Variants in TENM3 observed in about 807,000 individuals in gnomAD.
TENM3 encodes teneurin-3.
A neutral mutation model predicts 255.1 loss-of-function variants in TENM3; 63 were observed. That is an observed-to-expected ratio of 0.25 (90% CI 0.20 to 0.30). TENM3 has a LOEUF of 0.30. Among genes scored for constraint, TENM3 ranks in the 10% least tolerant of loss-of-function variants. The pLI, the probability that TENM3 is intolerant of heterozygous loss-of-function variation, is 1.00. For synonymous variants in TENM3, 1,306 were observed against 1,322.3 expected, an observed-to-expected ratio of 0.99 and a Z score of 0.27; for missense variants, 2,929 against 3,461.1, an observed-to-expected ratio of 0.85 and a Z score of 3.86.
chr4:181,796,830 G>T, the TENM3 span, among the ~76,000 whole-genome samples: 26,733 of 152,212 alleles, frequency 0.18, 3,099 homozygotes, highest in Non-Finnish European at 0.25. Context: ...GGGTGGTGTT[G>T]CATCACCACG....
the TENM3 span, among the ~76,000 whole-genome samples, chr4:181,607,110 G>A: frequency 6.6e-6 from 1 of 152,198 alleles, no homozygotes; most frequent in Non-Finnish European, 1.5e-5. Context: ...CCTGCTCTCA[G>A]CCAAAAGTAG....
intron 1 of TENM3, among the ~76,000 whole-genome samples, chr4:182,171,716 T>C (rs916263713): frequency 6.6e-6 from 1 of 152,192 alleles, no homozygotes; most frequent in Non-Finnish European, 1.5e-5. Flanking sequence ...TTCGAGTGCT[T>C]GATTTTAGAA....
At chr4:182,788,707 T>C (rs1238170532) in intron 24 of TENM3, among the ~76,000 whole-genome samples, 1 of 152,242 alleles carries the variant, frequency 6.6e-6, no homozygotes, top group African/African-American at 2.4e-5. Context: ...TTATTTAATG[T>C]AGCCATGATT....
the TENM3 span, among the ~76,000 whole-genome samples, chr4:181,662,456 G>C: frequency 6.6e-6 from 1 of 152,080 alleles, no homozygotes; most frequent in Non-Finnish European, 1.5e-5. Flanking sequence ...CATCATATTA[G>C]TCTATTACTT....
At chr4:181,622,928 C>G in the TENM3 span, among the ~76,000 whole-genome samples, 1 of 152,154 alleles carries the variant, frequency 6.6e-6, no homozygotes, top group East Asian at 1.9e-4. Flanking sequence ...ACATTACTAA[C>G]TTAATACACA....
At chr4:181,907,526 T>C in the TENM3 span, among the ~76,000 whole-genome samples, 1 of 152,138 alleles carries the variant, frequency 6.6e-6, no homozygotes, top group South Asian at 2.1e-4. Flanking sequence ...ACAGACACCG[T>C]GGTTGTAAAT....
chr4:182,465,532 C>T (rs35491838), intron 3 of TENM3, among the ~76,000 whole-genome samples: 27,419 of 152,036 alleles, frequency 0.18, 2,559 homozygotes, highest in East Asian at 0.27. Context: ...TTGTAACCCA[C>T]CCCGTTTATG....
the TENM3 span, among the ~76,000 whole-genome samples, chr4:181,660,717 G>T: frequency 6.6e-6 from 1 of 152,008 alleles, no homozygotes; most frequent in African/African-American, 2.4e-5. Context: ...GAAATCATTT[G>T]GTACAAAGCA....
chr4:181,814,386 T>C, the TENM3 span, among the ~76,000 whole-genome samples: 13 of 152,282 alleles, frequency 8.5e-5, no homozygotes, highest in African/African-American at 3.1e-4. Context: ...CAATTAAAAA[T>C]GCAAGGAGAA....
chr4:181,889,945 G>T, the TENM3 span, among the ~76,000 whole-genome samples: 11 of 152,116 alleles, frequency 7.2e-5, no homozygotes, highest in Non-Finnish European at 1.3e-4. Context: ...ATTTCTCCAT[G>T]AATGTTAGGT....
At chr4:182,652,228 G>A (rs1394091343) in intron 5 of TENM3, among the ~76,000 whole-genome samples, 1 of 152,106 alleles carries the variant, frequency 6.6e-6, no homozygotes, top group Non-Finnish European at 1.5e-5. Context: ...AATGAGATAC[G>A]AAAGTCAACT....
At chr4:181,602,856 A>G in the TENM3 span, among the ~76,000 whole-genome samples, 3 of 152,206 alleles carry the variant, frequency 2.0e-5, no homozygotes, top group Admixed American at 6.5e-5. Context: ...TATGCCACAT[A>G]TCTGCTTTTG....
intron 3 of TENM3, among the ~76,000 whole-genome samples, chr4:182,493,268 A>T (rs1050057519): frequency 1.3e-5 from 2 of 152,150 alleles, no homozygotes; most frequent in Non-Finnish European, 2.9e-5. Context: ...TTCTTCCAGA[A>T]AAAAAGCATT....
At chr4:182,623,768 A>G (rs899647469) in intron 4 of TENM3, among the ~76,000 whole-genome samples, 1 of 152,022 alleles carries the variant, frequency 6.6e-6, no homozygotes, top group Non-Finnish European at 1.5e-5. Context: ...TAAGACATCT[A>G]GTTTTCATGC....
the TENM3 span, among the ~76,000 whole-genome samples, chr4:181,600,527 C>T: frequency 6.6e-6 from 1 of 152,098 alleles, no homozygotes; most frequent in Non-Finnish European, 1.5e-5. Flanking sequence ...AAACACTTTC[C>T]CTAGCTCCTT....
chr4:182,169,527 A>G (rs1050454810), intron 1 of TENM3: 8 of 280,806 alleles, frequency 2.8e-5, no homozygotes, highest in African/African-American at 1.8e-4. Context: ...TTTATCTTAT[A>G]TTTATTATCA....
chr4:181,903,610 C>T, the TENM3 span, among the ~76,000 whole-genome samples: 10 of 152,244 alleles, frequency 6.6e-5, no homozygotes, highest in Non-Finnish European at 1.3e-4. Flanking sequence ...CCCTGTGTCT[C>T]AGTCTCAACT....
At chr4:182,627,011 C>T (rs1750881788) in intron 4 of TENM3, among the ~76,000 whole-genome samples, 1 of 152,146 alleles carries the variant, frequency 6.6e-6, no homozygotes, top group Admixed American at 6.5e-5. Flanking sequence ...GAATTCTTTC[C>T]ACTCTACCGA....
intron 1 of TENM3, among the ~76,000 whole-genome samples, chr4:182,214,446 T>C (rs1418817777): frequency 6.6e-6 from 1 of 152,180 alleles, no homozygotes; most frequent in Admixed American, 6.5e-5. Flanking sequence ...ATCAGAAATA[T>C]TTACTACTAT....
Sources: gnomAD v4.1 joint callset for allele counts (sites outside exome capture counted in the v4.1 genomes callset) on GRCh38, gnomAD v4.1.1 for gene constraint, MANE v1.5 for transcripts, NCBI Gene and HGNC (gene_info 2026-07-23, HGNC 2026-07-21) for gene names.